Variants in MYOM2 observed in about 807,000 individuals in gnomAD.
MYOM2 encodes the protein myomesin 2, also known as myomesin-2.
MYOM2 carries 254 observed loss-of-function variants against 187.6 expected under a neutral mutation model. That is an observed-to-expected ratio of 1.35 (90% CI 1.22 to 1.50). MYOM2 has a LOEUF of 1.50. Among genes scored for constraint, MYOM2 ranks in the 40% most tolerant of loss-of-function variants. MYOM2 has a pLI of 0.00. For missense variants in MYOM2, 2,796 were observed against 1,924.0 expected (o/e 1.45, Z -8.48); for synonymous variants, 981 against 753.8 (o/e 1.30, Z -4.94).
In MYOM2 at chr8:2,045,092, C is replaced by T. The variant is rs1395827167; in HGVS notation, c.-89C>T. On this transcript the variant is annotated 5_prime_UTR_variant, in exon 1 of 37. Transcript: ENST00000262113. The stretch of plus-strand genomic sequence containing the variant: ...TTGCAGGAGTCAGCTCTGCCTTCCT[C>T]GGCTGGAGTGTGGGTGGCTTGGTGA... 3 of 152,762 alleles carry T rather than the reference C, an allele frequency of 2.0e-5. No individual in the cohort carries two copies. The highest frequency in any genetic ancestry group is 4.8e-5 in the African/African-American group (2 of 41,574). 9.5% of individuals were successfully genotyped at this position (152,762 alleles called of 1,614,324 possible).
intron 32 of MYOM2, among the ~76,000 whole-genome samples, chr8:2,139,618 C>T (rs1246348237): frequency 6.6e-6 from 1 of 152,148 alleles, no homozygotes; most frequent in Non-Finnish European, 1.5e-5. Context: ...GCTCTCTGTG[C>T]AACTGACCCA....
intron 1 of MYOM2, among the ~76,000 whole-genome samples, chr8:2,047,716 C>A (rs1585808529): frequency 6.6e-6 from 1 of 152,170 alleles, no homozygotes; most frequent in Admixed American, 6.5e-5. Flanking sequence ...TGCCCTGTTA[C>A]CCCCATCCAA....
chr8:2,070,971 T>G (rs1029227451), intron 8 of MYOM2, among the ~76,000 whole-genome samples: 4 of 151,892 alleles, frequency 2.6e-5, no homozygotes, highest in African/African-American at 9.7e-5. Flanking sequence ...TATTTTTATT[T>G]ATTTATTTAT....
chr8:2,139,518 G>C (rs1798202228), intron 32 of MYOM2, among the ~76,000 whole-genome samples: 1 of 152,192 alleles, frequency 6.6e-6, no homozygotes, highest in African/African-American at 2.4e-5. Flanking sequence ...ATGATGGTGA[G>C]GAGGGCTGGA....
intron 6 of MYOM2, among the ~76,000 whole-genome samples, chr8:2,062,350 G>C (rs749970221): frequency 7.3e-4 from 111 of 152,178 alleles, no homozygotes; most frequent in Non-Finnish European, 6.8e-4. Flanking sequence ...GGCCTGGTGG[G>C]AGCCCTTGCT....
intron 3 of MYOM2, among the ~76,000 whole-genome samples, chr8:2,054,520 C>T (rs1006125977): frequency 2.6e-5 from 4 of 152,158 alleles, no homozygotes; most frequent in Admixed American, 1.3e-4. Flanking sequence ...GATCATCAGC[C>T]GGCAGAAATA....
At chr8:2,061,639 A>G (rs9644318) in intron 6 of MYOM2, among the ~76,000 whole-genome samples, 53,337 of 151,944 alleles carry the variant, frequency 0.35, 9,684 homozygotes, top group East Asian at 0.58. Context: ...TCCTCCTCCC[A>G]GGAGCCTGCA....
intron 25 of MYOM2, among the ~76,000 whole-genome samples, chr8:2,114,376 A>G (rs933087132): frequency 3.9e-5 from 6 of 152,210 alleles, no homozygotes; most frequent in Non-Finnish European, 7.3e-5. Flanking sequence ...TCTTTCTCCT[A>G]TCTTAGCAAC....
intron 32 of MYOM2, among the ~76,000 whole-genome samples, chr8:2,133,375 G>A (rs894015896): frequency 1.3e-5 from 2 of 152,190 alleles, no homozygotes; most frequent in Non-Finnish European, 2.9e-5. Context: ...ACTGAGAAGA[G>A]CTCAGACACC....
intron 25 of MYOM2, among the ~76,000 whole-genome samples, chr8:2,109,773 A>T (rs1242573613): frequency 6.6e-6 from 1 of 152,196 alleles, no homozygotes; most frequent in Admixed American, 6.5e-5. Context: ...ATTAAAAATG[A>T]CTTTGAGCTT....
chr8:2,051,462 G>A (rs984501321), intron 2 of MYOM2, among the ~76,000 whole-genome samples: 13 of 152,310 alleles, frequency 8.5e-5, no homozygotes, highest in Middle Eastern at 3.4e-3. Flanking sequence ...GGGCTGATTG[G>A]AAGGCTGTGG....
chr8:2,130,250 G>A (rs1407011423), intron 32 of MYOM2, among the ~76,000 whole-genome samples: 6 of 134,520 alleles, frequency 4.5e-5, no homozygotes, highest in Admixed American at 3.7e-4. Context: ...CCCACACCCC[G>A]CCTTTAGTTA....
intron 19 of MYOM2, 124 bp downstream of exon 19, chr8:2,099,107 C>T (rs2294068): frequency 0.41 from 534,811 of 1,289,892 alleles, 114,452 homozygotes; most frequent in East Asian, 0.58. Flanking sequence ...CACCCGCAGC[C>T]GCAGAGCCAC....
intron 6 of MYOM2, among the ~76,000 whole-genome samples, chr8:2,061,489 C>G (rs761866666): frequency 6.6e-6 from 1 of 152,178 alleles, no homozygotes; most frequent in Non-Finnish European, 1.5e-5. Flanking sequence ...CTCCTGTTCC[C>G]GACTCTACCT....
At position 2,085,351 on chromosome 8, in the gene MYOM2, T is replaced by C; in HGVS notation, c.1605T>C (p.Thr535=). Residue 535 remains threonine, a synonymous_variant, in exon 14 of 37, where the codon ACT becomes ACC. Transcript: ENST00000262113. ...TCGTCCTCAGCTGGGAGCCACCCAC[T>C]CCCCGTGGCAAGGACCCGCTCATGT... ...NYVVLSWEPP[T]PRGKDPLMYF... 6.2e-7 allele frequency: 1 copy of C among 1,613,938 alleles called. No homozygotes were observed. The highest frequency in any genetic ancestry group is 8.5e-7 in the Non-Finnish European group (1 of 1,179,968).
At chr8:2,124,354 C>T (rs1057428719) in intron 31 of MYOM2, 137 bp downstream of exon 31, 9 of 812,884 alleles carry the variant, frequency 1.1e-5, no homozygotes, top group Non-Finnish European at 1.8e-5. Flanking sequence ...GATGGAAGGG[C>T]AGGGTGGTGA....
chr8:2,120,689 A>ATATATATATAAATATATATTTATAAAT, intron 28 of MYOM2, among the ~76,000 whole-genome samples: 1 of 42,416 alleles, frequency 2.4e-5, no homozygotes, highest in Non-Finnish European at 4.7e-5. Context: ...ATTATATATA[A>ATATATATATAAATATATATTTATAAAT]ATATATAATA....
chr8:2,079,348 C>A (rs979091660), intron 12 of MYOM2, among the ~76,000 whole-genome samples: 7 of 152,014 alleles, frequency 4.6e-5, no homozygotes, highest in African/African-American at 1.5e-4. Flanking sequence ...CTATATTTTC[C>A]TTACGCACAT....
At chr8:2,144,488 G>A (rs1798385748) in intron 36 of MYOM2, among the ~76,000 whole-genome samples, 176 bp from the exon 37 acceptor site, 1 of 152,180 alleles carries the variant, frequency 6.6e-6, no homozygotes, top group Non-Finnish European at 1.5e-5. Context: ...GTTCCCTGCT[G>A]TCCTCTGCCT....
Sources: allele counts gnomAD v4.1 joint callset (sites outside exome capture counted in the v4.1 genomes callset), GRCh38; gene constraint gnomAD v4.1.1; transcripts MANE v1.5; gene names NCBI Gene and HGNC (gene_info 2026-07-23, HGNC 2026-07-21).